The following ARHGEF4 variants were observed in gnomAD, a reference collection of about 807,000 sequenced individuals.
The protein encoded by ARHGEF4 is APC-stimulated guanine nucleotide exchange factor 1.
ARHGEF4 carries 119 observed loss-of-function variants against 162.0 expected under a neutral mutation model. That is an observed-to-expected ratio of 0.73 (90% confidence interval 0.63 to 0.86). The LOEUF (loss-of-function observed/expected upper bound fraction) is 0.86, where lower values mean the gene tolerates loss of function less well. ARHGEF4 is among the 40% of genes least tolerant of loss of function. ARHGEF4 has a pLI of 0.00. For synonymous variants in ARHGEF4, 1,014 were observed against 979.9 expected (o/e 1.03, Z -0.65); for missense variants, 2,488 against 2,456.0 (o/e 1.01, Z -0.28).
Position 130,915,670 on chromosome 2 carries a change from A to AC in ARHGEF4, c.1728dup (p.Asn577GlnfsTer26). The AC allele has an allele frequency of 6.5e-7, 1 of 1,550,368 alleles. No homozygotes were observed. The highest frequency in any genetic ancestry group is 8.7e-7 in the Non-Finnish European group (1 of 1,146,958). The stretch of plus-strand genomic sequence containing the variant: ...GCAGCCGAAGAAGCCATGGTTCTAG[A>AC]CCCCAACTACAGGGAACAGGCTTTG... On this transcript the variant is annotated frameshift_variant, in exon 2 of 14. Coordinates refer to ENST00000409359, the MANE Select transcript of ARHGEF4 (RefSeq NM_001367493.1). LOFTEE classifies it high-confidence loss of function.
chr2:131,023,895 G>GCATGGAATGCCATGGAATTC lies in ARHGEF4; in HGVS notation c.3986-4040_3986-4021dup, dbSNP rs543825257. On this transcript the variant is annotated intron_variant, in intron 4 of 13. Coordinates refer to ENST00000409359, the MANE Select transcript of ARHGEF4 (RefSeq NM_001367493.1). ...CAGGTGAATGGTTAAACCAACAGTG[G>GCATGGAATGCCATGGAATTC]CATGGAATGCCATGGAATTCCATGG... 2.3e-3 allele frequency among the ~76,000 whole-genome samples: 344 copies of GCATGGAATGCCATGGAATTC among 152,294 alleles called. 6 individuals are homozygous for GCATGGAATGCCATGGAATTC. The highest frequency in any genetic ancestry group is 0.018 in the Admixed American group (281 of 15,298).
intron 1 of ARHGEF4, among the ~76,000 whole-genome samples, chr2:130,843,589 G>T (rs972934896): frequency 3.3e-5 from 5 of 152,236 alleles, no homozygotes; most frequent in South Asian, 4.1e-4. Context: ...TCTTCCAAGG[G>T]GGGGCACGGT....
chr2:131,003,545 T>C (rs1157471679), intron 4 of ARHGEF4, among the ~76,000 whole-genome samples: 1 of 152,218 alleles, frequency 6.6e-6, no homozygotes, highest in African/African-American at 2.4e-5. Context: ...GAGTTGCCTG[T>C]GGACAGGTGG....
In ARHGEF4 at chr2:130,907,923, C is replaced by T. The variant is rs376519628; in HGVS notation, c.40-6063C>T. Among the ~76,000 whole-genome samples the T allele has an allele frequency of 2.2e-4, 33 of 151,334 alleles. No individual in the cohort carries two copies. The South Asian group carries it at 6.9e-3, about 32-fold the overall frequency. On this transcript the variant is annotated intron_variant, in intron 1 of 13. Transcript: ENST00000409359. ...AGTGAGCCGAGATCACACCACTGCA[C>T]TCCAGCCTGGGAGACAAAGCAAGAC...
chr2:130,912,174 C>G (rs1222966438), intron 1 of ARHGEF4, among the ~76,000 whole-genome samples: 1 of 152,196 alleles, frequency 6.6e-6, no homozygotes, highest in African/African-American at 2.4e-5. Context: ...TGTGCTTGTC[C>G]GGGCGTGCTC....
chr2:130,970,513 C>T (rs914967221), intron 4 of ARHGEF4, among the ~76,000 whole-genome samples: 6 of 150,628 alleles, frequency 4.0e-5, no homozygotes, highest in South Asian at 2.1e-4. Flanking sequence ...CGCTTGAACC[C>T]GGGAGGCGGA....
At chr2:130,892,317 C>T (rs1679902845) in intron 1 of ARHGEF4, among the ~76,000 whole-genome samples, 1 of 152,156 alleles carries the variant, frequency 6.6e-6, no homozygotes, top group Non-Finnish European at 1.5e-5. Flanking sequence ...CAGTAGACGT[C>T]GACTGGGTGT....
chr2:131,014,136 A>T (rs1688636008), intron 4 of ARHGEF4, among the ~76,000 whole-genome samples: 1 of 152,204 alleles, frequency 6.6e-6, no homozygotes, highest in African/African-American at 2.4e-5. Flanking sequence ...TGGTAACGAT[A>T]TTGCATTCCT....
At chr2:130,995,746 A>G (rs1435240701) in intron 4 of ARHGEF4, among the ~76,000 whole-genome samples, 2 of 152,068 alleles carry the variant, frequency 1.3e-5, no homozygotes, top group Non-Finnish European at 1.5e-5. Flanking sequence ...GGGCCTCTCC[A>G]TGTAGAACTC....
chr2:130,846,722 C>T (rs558110940), intron 1 of ARHGEF4, among the ~76,000 whole-genome samples: 37 of 152,248 alleles, frequency 2.4e-4, no homozygotes, highest in African/African-American at 8.4e-4. Flanking sequence ...CAGGCCAGAG[C>T]TGGACAGCCA....
chr2:130,870,301 G>T (rs925706302), intron 1 of ARHGEF4, among the ~76,000 whole-genome samples: 1 of 152,230 alleles, frequency 6.6e-6, no homozygotes, highest in Admixed American at 6.5e-5. Context: ...CCTTTGGTAG[G>T]ACTGGATGTC....
chr2:130,926,048 C>CTTTCTTTCTCTCTCTCTCTTTCTTTCTT, intron 2 of ARHGEF4, among the ~76,000 whole-genome samples: 12 of 53,460 alleles, frequency 2.2e-4, no homozygotes, highest in African/African-American at 7.4e-4. Flanking sequence ...TTCTTTCTTT[C>CTTTCTTTCTCTCTCTCTCTTTCTTTCTT]TCTTTCTTTC....
chr2:130,955,014 G>A (rs1001618847), intron 4 of ARHGEF4, among the ~76,000 whole-genome samples: 2 of 150,178 alleles, frequency 1.3e-5, no homozygotes, highest in African/African-American at 4.9e-5. Context: ...AATTTCTATT[G>A]ATCTATCTTC....
rs150812435 is a variant in ARHGEF4 at position 130,997,869 on chromosome 2, T to C, written c.3986-30076T>C. Among the ~76,000 whole-genome samples the C allele has an allele frequency of 1.9e-3, 286 of 151,114 alleles. 1 individual carries two copies. The highest frequency in any genetic ancestry group is 6.8e-3 in the African/African-American group (277 of 40,910). On this transcript the variant is annotated intron_variant, in intron 4 of 13. Coordinates refer to ENST00000409359, the MANE Select transcript of ARHGEF4 (RefSeq NM_001367493.1). The stretch of plus-strand genomic sequence containing the variant: ...AATGCAGAATACTGCCCCCACTTAA[T>C]GCAGAATATTGCCCCCCATGTGCCC...
In ARHGEF4 at chr2:130,902,526, G is replaced by A. The variant is rs540900028; in HGVS notation, c.40-11460G>A. On this transcript the variant is annotated intron_variant, in intron 1 of 13. Transcript: ENST00000409359. ...GGAGAATCGCTTGAACCTGGGAGGC[G>A]GAGGTTGCAGTGAGCCGAGATAGCG... is the stretch of plus-strand genomic sequence containing the variant. Among the ~76,000 whole-genome samples, 418 of 149,892 alleles carry A rather than the reference G, an allele frequency of 2.8e-3. 3 individuals are homozygous for A. The highest frequency in any genetic ancestry group is 9.6e-3 in the African/African-American group (398 of 41,358).
At chr2:131,034,993 C>T in intron 5 of ARHGEF4, 1 of 983,784 alleles carries the variant, frequency 1.0e-6, no homozygotes, top group Non-Finnish European at 1.2e-6. Context: ...CCCAGGCCCG[C>T]GAGCGCAGGC....
At chr2:130,844,268 C>T (rs1425836692) in intron 1 of ARHGEF4, among the ~76,000 whole-genome samples, 2 of 152,188 alleles carry the variant, frequency 1.3e-5, no homozygotes, top group African/African-American at 4.8e-5. Flanking sequence ...GAGGTTTAAA[C>T]GATATTGCCC....
rs1226517759 is a variant in ARHGEF4, at chr2:131,038,841, C to G, written c.4126-12C>G. On this transcript the variant is annotated splice_polypyrimidine_tract_variant and intron_variant, in intron 5 of 13. Transcript: ENST00000409359. ...CCCCCACTGACCCGCCTGCCCGTGGCTCTCTCGGCAGCTCATCAGCGATGG... is the reference window on the plus strand; with the variant it reads ...CCCCCACTGACCCGCCTGCCCGTGGGTCTCTCGGCAGCTCATCAGCGATGG... 1 of 1,593,966 alleles carries G rather than the reference C, an allele frequency of 6.3e-7. No homozygotes were observed. Among genetic ancestry groups the G allele is most frequent in the Non-Finnish European group, 8.6e-7 (1 of 1,167,862 alleles).
In ARHGEF4 at chr2:130,917,262, C is replaced by T; in HGVS notation, c.3316C>T (p.Leu1106Phe). 6.4e-7 allele frequency: 1 copy of T among 1,550,478 alleles called. No individual in the cohort carries two copies. The highest frequency in any genetic ancestry group is 2.4e-5 in the East Asian group (1 of 40,884). The stretch of plus-strand genomic sequence containing the variant: ...CAGGCCTAGTGCTCAGCGGATGGGT[C>T]TCCACTACCCCGGGAGGGGTAGCGC... ...SPRPSAQRMG[L>F]HYPGRGSAIS... The change falls in exon 2 of 14, where the codon CTC becomes TTC. Residue 1106 changes from leucine to phenylalanine, a missense_variant. Transcript: ENST00000409359.
Sources: allele counts gnomAD v4.1 joint callset (sites outside exome capture counted in the v4.1 genomes callset), GRCh38; gene constraint gnomAD v4.1.1; transcripts MANE v1.5; gene names NCBI Gene and HGNC (gene_info 2026-07-23, HGNC 2026-07-21).